AGPAT5: variants seen among roughly 807,000 people sequenced by gnomAD.
AGPAT5 encodes 1-acyl-sn-glycerol-3-phosphate acyltransferase epsilon.
A neutral mutation model predicts 45.6 loss-of-function variants in AGPAT5; 46 were observed. The observed-to-expected ratio is 1.01, with a 90% CI of 0.80 to 1.29. The LOEUF is 1.29. Among genes scored for constraint, AGPAT5 ranks in the 50% most tolerant of loss-of-function variants. The pLI, the probability that AGPAT5 is intolerant of heterozygous loss-of-function variation, is 0.00. For missense variants in AGPAT5, 673 were observed against 450.7 expected, an observed-to-expected ratio of 1.49 and a Z score of -4.47; for synonymous variants, 272 against 167.0, an observed-to-expected ratio of 1.63 and a Z score of -4.85.
intron 1 of AGPAT5, among the ~76,000 whole-genome samples, chr8:6,712,006 T>A (rs1031247240): frequency 6.6e-6 from 1 of 152,256 alleles, no homozygotes; most frequent in Non-Finnish European, 1.5e-5. Flanking sequence ...GCTTAGGATG[T>A]GGACACATTT....
intron 6 of AGPAT5, among the ~76,000 whole-genome samples, chr8:6,750,010 C>T (rs972160416): frequency 6.6e-5 from 10 of 152,190 alleles, no homozygotes; most frequent in Admixed American, 3.3e-4. Context: ...CCTCCTGCAC[C>T]CCATGCATAT....
chr8:6,754,955 A>G, intron 6 of AGPAT5, 96 bp from the exon 7 acceptor site: 1 of 1,022,480 alleles, frequency 9.8e-7, no homozygotes, highest in South Asian at 2.3e-5. Flanking sequence ...TCATTTTACA[A>G]CTTTTTTTGT....
chr8:6,747,148 A>C (rs887507598), intron 5 of AGPAT5, among the ~76,000 whole-genome samples: 1 of 152,244 alleles, frequency 6.6e-6, no homozygotes, highest in African/African-American at 2.4e-5. Context: ...ATTAATAGGT[A>C]AACAAAATGT....
At chr8:6,732,847 A>G (rs967155177) in intron 4 of AGPAT5, among the ~76,000 whole-genome samples, 197 bp downstream of exon 4, 9 of 152,370 alleles carry the variant, frequency 5.9e-5, no homozygotes, top group African/African-American at 1.7e-4. Context: ...GCTGTAAACA[A>G]CTAGGTCCTT....
At chr8:6,723,199 C>G (rs1800565739) in intron 1 of AGPAT5, among the ~76,000 whole-genome samples, 1 of 152,140 alleles carries the variant, frequency 6.6e-6, no homozygotes, top group Non-Finnish European at 1.5e-5. Context: ...CTGTTAAAAA[C>G]CAGCTTGGTG....
intron 4 of AGPAT5, among the ~76,000 whole-genome samples, chr8:6,741,256 T>C (rs1490350900): frequency 6.6e-6 from 1 of 152,116 alleles, no homozygotes; most frequent in African/African-American, 2.4e-5. Context: ...CTTTTTAGTG[T>C]TGGTACTTAA....
Position 6,708,669 on chromosome 8 carries a change from ATGC to A in AGPAT5, c.7_9del (p.Leu3?), listed in dbSNP as rs2116832037. On this transcript the variant is annotated start_lost and inframe_deletion, in exon 1 of 8. Transcript: ENST00000285518. ...AGCTCGCTGCCGCCGAGCTGAGAAGATGCTGCTGTCCCTGGTGCTCCACACGTA... is the reference window on the plus strand; with the variant it reads ...AGCTCGCTGCCGCCGAGCTGAGAAGATGCTGTCCCTGGTGCTCCACACGTA... 2 of 1,575,664 alleles carry A rather than the reference ATGC, an allele frequency of 1.3e-6. No homozygotes were observed. Among genetic ancestry groups the A allele is most frequent in the Non-Finnish European group, 1.7e-6 (2 of 1,167,774 alleles).
In AGPAT5 at chr8:6,730,412, C is replaced by T. The variant is rs1240048121; in HGVS notation, c.290-299C>T. On this transcript the variant is annotated intron_variant, in intron 2 of 7. Coordinates refer to ENST00000285518, the MANE Select transcript of AGPAT5 (RefSeq NM_018361.5). ...TGGCGCAATCTCGGTTCACTGCAGG[C>T]TCCGCCCCCTGGGGTTCACGCCATT... 4.3e-5 allele frequency among the ~76,000 whole-genome samples: 2 copies of T among 46,550 alleles called. 1 individual carries two copies. Among genetic ancestry groups the T allele is most frequent in the Non-Finnish European group, 6.5e-5 (2 of 30,720 alleles). The allele number at this position is 46,550 out of a possible 152,430, so 30.5% of individuals were successfully genotyped here.
intron 2 of AGPAT5, among the ~76,000 whole-genome samples, chr8:6,725,339 G>C (rs532577961): frequency 6.6e-6 from 1 of 152,172 alleles, no homozygotes; most frequent in Non-Finnish European, 1.5e-5. Context: ...GTAAGTACTC[G>C]TTTCCTTACT....
chr8:6,747,414 G>A (rs28470869), intron 5 of AGPAT5, among the ~76,000 whole-genome samples: 3,639 of 152,256 alleles, frequency 0.024, 137 homozygotes, highest in African/African-American at 0.082. Context: ...AAGCGTTTCC[G>A]CTAGGCCATA....
At chr8:6,723,871 G>C (rs1033409624) in intron 1 of AGPAT5, among the ~76,000 whole-genome samples, 1 of 152,114 alleles carries the variant, frequency 6.6e-6, no homozygotes, top group African/African-American at 2.4e-5. Context: ...TTAATAAATA[G>C]TGTCATGACC....
Position 6,730,746 on chromosome 8 carries a change from C to A in AGPAT5, c.325C>A (p.Gln109Lys). ...WIVADILAIR[Q>K]NALGHVRYVL... ...TGTTGCTGACATCTTGGCCATCAGG[C>A]AGAATGCGCTAGGACATGTGCGCTA... is the stretch of plus-strand genomic sequence containing the variant. Residue 109 changes from glutamine to lysine, a missense_variant, in exon 3 of 8, where the codon CAG (glutamine) becomes AAG (lysine). Physicochemically the swap from Gln to Lys is moderately conservative, Grantham distance 53. Coordinates refer to ENST00000285518, the MANE Select transcript of AGPAT5 (RefSeq NM_018361.5). The A allele has an allele frequency of 6.2e-7, 1 of 1,613,320 alleles. No homozygotes were observed.
chr8:6,725,543 A>C (rs1327031243), intron 2 of AGPAT5, among the ~76,000 whole-genome samples: 2 of 152,190 alleles, frequency 1.3e-5, no homozygotes, highest in East Asian at 3.8e-4. Context: ...AATTTGCAAA[A>C]AGAGTACATT....
chr8:6,711,172 T>G (rs1396326654), intron 1 of AGPAT5, among the ~76,000 whole-genome samples: 6 of 152,236 alleles, frequency 3.9e-5, no homozygotes, highest in African/African-American at 1.4e-4. Context: ...TGCAGAAGAA[T>G]ATTTTCTTTT....
At position 6,761,076 on chromosome 8, in the gene AGPAT5, GTTA is replaced by G. The variant is rs2116983665; in HGVS notation, c.*3693_*3695del. ...ATATGAGGTCAAAGACATATACCTT[GTTA>G]TTATAATATGTATACTATAATAATA... On this transcript the variant is annotated 3_prime_UTR_variant, in exon 8 of 8. Transcript: ENST00000285518. Among the ~76,000 whole-genome samples the G allele has an allele frequency of 6.6e-6, 1 of 152,244 alleles. No individual in the cohort carries two copies. Among genetic ancestry groups the G allele is most frequent in the South Asian group, 2.1e-4 (1 of 4,820 alleles).
intron 1 of AGPAT5, among the ~76,000 whole-genome samples, chr8:6,717,335 C>G (rs527263554): frequency 2.0e-5 from 3 of 152,156 alleles, no homozygotes; most frequent in Non-Finnish European, 2.9e-5. Context: ...CTTTACTGCG[C>G]TCCTCCAGCT....
intron 1 of AGPAT5, among the ~76,000 whole-genome samples, chr8:6,715,243 G>T (rs1267815526): frequency 6.6e-6 from 1 of 152,190 alleles, no homozygotes; most frequent in Non-Finnish European, 1.5e-5. Context: ...AGAGGTAGGG[G>T]TTTGGAAAAT....
intron 5 of AGPAT5, among the ~76,000 whole-genome samples, chr8:6,746,629 G>A (rs1345848417): frequency 1.3e-5 from 2 of 152,162 alleles, no homozygotes; most frequent in Non-Finnish European, 2.9e-5. Flanking sequence ...AACTGCCCCT[G>A]CCCTGGGGAC....
intron 1 of AGPAT5, among the ~76,000 whole-genome samples, chr8:6,715,626 T>G (rs1800302763): frequency 6.6e-6 from 1 of 152,218 alleles, no homozygotes; most frequent in African/African-American, 2.4e-5. Flanking sequence ...GGCACTTATT[T>G]TCTGAAGATG....
Sources: allele counts gnomAD v4.1 joint callset (sites outside exome capture counted in the v4.1 genomes callset), GRCh38; gene constraint gnomAD v4.1.1; transcripts MANE v1.5; gene names NCBI Gene and HGNC (gene_info 2026-07-23, HGNC 2026-07-21).